Variants in GCN1 observed in about 807,000 individuals in gnomAD.
GCN1 encodes stalled ribosome sensor GCN1.
A neutral mutation model predicts 288.4 loss-of-function variants in GCN1; 90 were observed. The observed-to-expected ratio is 0.31, with a 90% CI of 0.26 to 0.37. The LOEUF is 0.37. Ranked by LOEUF, GCN1 falls within the 10% of genes least tolerant of loss-of-function variation. The pLI, the probability that GCN1 is intolerant of heterozygous loss-of-function variation, is 1.00. For missense variants in GCN1, 2,586 were observed against 3,419.9 expected, an observed-to-expected ratio of 0.76 and a Z score of 6.08; for synonymous variants, 1,386 against 1,420.2, an observed-to-expected ratio of 0.98 and a Z score of 0.54.
At chr12:120,187,770 A>G (rs1036461939) in intron 2 of GCN1, among the ~76,000 whole-genome samples, 1 of 152,002 alleles carries the variant, frequency 6.6e-6, no homozygotes, top group Non-Finnish European at 1.5e-5. Context: ...AGTTGCTCCA[A>G]TGGAGCTGAG....
chr12:120,128,923 C>G (rs1200249422), intron 57 of GCN1, among the ~76,000 whole-genome samples: 4 of 143,594 alleles, frequency 2.8e-5, no homozygotes, highest in Admixed American at 1.4e-4. Flanking sequence ...CTCACTGCAA[C>G]CTCCGTCTCC....
intron 2 of GCN1, among the ~76,000 whole-genome samples, chr12:120,185,748 G>A (rs1329251130): frequency 2.0e-5 from 3 of 152,010 alleles, no homozygotes; most frequent in South Asian, 2.1e-4. Flanking sequence ...CTAAAGGTGC[G>A]CACCACCACG....
intron 34 of GCN1, 34 bp downstream of exon 34, chr12:120,151,111 C>A: frequency 6.2e-7 from 1 of 1,601,536 alleles, no homozygotes. Context: ...ACCAACTTCC[C>A]ATGCTGGGCA....
At chr12:120,138,286 TG>T in intron 47 of GCN1, 36 bp downstream of exon 47, 1 of 1,311,522 alleles carries the variant, frequency 7.6e-7, no homozygotes, top group Non-Finnish European at 1.1e-6. Context: ...GTCAATGCCC[TG>T]GAGCCAGAGG....
At position 120,158,409 on chromosome 12, in the gene GCN1, C is replaced by T. The variant is rs755208392; in HGVS notation, c.2905+51G>A. On this transcript the variant is annotated intron_variant, in intron 25 of 57. Transcript: ENST00000300648. This position sits in a 1 kb window ranked among gnomAD's most constrained non-coding sequence, Gnocchi z 4.3. Reference sequence around the variant, plus strand: ...TGACGCTGTGCCTTGAGCAGCATTCCTGGCACCAGCTCACACCGCCTGGTG... The same window carrying T: ...TGACGCTGTGCCTTGAGCAGCATTCTTGGCACCAGCTCACACCGCCTGGTG... The T allele has an allele frequency of 1.4e-6, 2 of 1,458,734 alleles. No homozygotes were observed. The highest frequency in any genetic ancestry group is 1.3e-5 in the South Asian group (1 of 75,042). 90.4% of individuals were successfully genotyped at this position (1,458,734 alleles called of 1,614,324 possible).
In GCN1 at chr12:120,138,779, C is replaced by T. The variant is rs199532966; in HGVS notation, c.6072G>A (p.Ala2024=). ...GCAGCTGCTCGAAAGTCTTGGCTGC[C>T]GCCTCTCTGACCTCCTCCAGTGGGT... is the stretch of plus-strand genomic sequence containing the variant. ...LCDPLEEVRE[A]AAKTFEQLHS... The change falls in exon 46 of 58, where the codon GCG becomes GCA. Residue 2024 remains alanine (A), a synonymous_variant. Coordinates refer to ENST00000300648, the MANE Select transcript of GCN1 (RefSeq NM_006836.2). The T allele has an allele frequency of 1.5e-4, 247 of 1,614,046 alleles. No homozygotes were observed. The highest frequency in any genetic ancestry group is 1.2e-4 in the Non-Finnish European group (145 of 1,179,998).
chr12:120,190,737 T>C (rs1878977993), intron 1 of GCN1, among the ~76,000 whole-genome samples: 1 of 152,172 alleles, frequency 6.6e-6, no homozygotes, highest in Non-Finnish European at 1.5e-5. Context: ...ATTTAAACTT[T>C]GGCAATAAGA....
intron 33 of GCN1, among the ~76,000 whole-genome samples, chr12:120,152,115 G>C (rs1319399280): frequency 6.6e-6 from 1 of 151,988 alleles, no homozygotes; most frequent in African/African-American, 2.4e-5. Flanking sequence ...CTATAACCTT[G>C]AATTCCTGGA....
intron 34 of GCN1, among the ~76,000 whole-genome samples, chr12:120,150,285 T>C (rs1877497503): frequency 6.6e-6 from 1 of 152,118 alleles, no homozygotes; most frequent in Admixed American, 6.5e-5. Context: ...CTTCACTTCT[T>C]GGCACTAACA....
At position 120,184,257 on chromosome 12, in the gene GCN1, C is replaced by T. The variant is rs367880025; in HGVS notation, c.186-14G>A. 1.2e-6 allele frequency: 2 copies of T among 1,608,438 alleles called. No homozygotes were observed. The highest frequency in any genetic ancestry group is 1.3e-5 in the African/African-American group (1 of 74,966). On this transcript the variant is annotated splice_polypyrimidine_tract_variant and intron_variant, in intron 3 of 57. Coordinates refer to ENST00000300648, the MANE Select transcript of GCN1 (RefSeq NM_006836.2). ...GAGGCTGCATCTCTAGGGGGAGAGG[C>T]AAAGGAAAGGGTGAACATGCAGACC...
intron 20 of GCN1, 128 bp from the exon 21 acceptor site, chr12:120,162,186 GC>G: frequency 1.3e-6 from 1 of 741,974 alleles, no homozygotes; most frequent in African/African-American, 1.7e-5. Context: ...CCTGGGCAAT[GC>G]CCATCACAGT....
Position 120,149,973 on chromosome 12 carries a change from C to G in GCN1, c.4380G>C (p.Val1460=). Reference sequence around the variant, plus strand: ...CAAAGCACAGGAGCAGATGGGGCAGCACGTGAACCACATACGGCTCAAAAA... The same window carrying G: ...CAAAGCACAGGAGCAGATGGGGCAGGACGTGAACCACATACGGCTCAAAAA... ...GKLFEPYVVH[V]LPHLLLCFGD... is the part of the protein sequence containing the mutation. The change falls in exon 35 of 58, where the codon GTG becomes GTC. Residue 1460 remains valine (V), a synonymous_variant. Transcript: ENST00000300648. The G allele has an allele frequency of 6.2e-7, 1 of 1,614,082 alleles. No individual in the cohort carries two copies. The highest frequency in any genetic ancestry group is 8.5e-7 in the Non-Finnish European group (1 of 1,179,952).
Position 120,140,835 on chromosome 12 carries a change from GCGGGATCC to G in GCN1, c.5994+16_5994+23del, listed in dbSNP as rs1566300073. 6.2e-7 allele frequency: 1 copy of G among 1,608,520 alleles called. No individual in the cohort carries two copies. On this transcript the variant is annotated intron_variant, in intron 45 of 57. Coordinates refer to ENST00000300648, the MANE Select transcript of GCN1 (RefSeq NM_006836.2). The stretch of plus-strand genomic sequence containing the variant: ...TCAGGTCGTCTGCAGTGCACAGCTG[GCGGGATCC>G]TTGGAAGATACTCACGGCATCCCGG...
rs1339374831 is a variant in GCN1, at chr12:120,170,811, G to A, written c.1367-490C>T. Among the ~76,000 whole-genome samples, 8 of 151,796 alleles carry A rather than the reference G, an allele frequency of 5.3e-5. No individual in the cohort carries two copies. In the South Asian group the frequency reaches 1.5e-3, roughly 28 times the overall value. On this transcript the variant is annotated intron_variant, in intron 14 of 57. Transcript: ENST00000300648. The stretch of plus-strand genomic sequence containing the variant: ...TCTTCCCCCATACAGATGACCTTCG[G>A]ACCCAAATTCTAAATTTGGGTCCAA...
intron 51 of GCN1, among the ~76,000 whole-genome samples, chr12:120,135,591 G>A (rs1342924245): frequency 6.6e-6 from 1 of 151,986 alleles, no homozygotes; most frequent in African/African-American, 2.4e-5. Flanking sequence ...TCGAACTCCC[G>A]ACCTCAGGTA....
Position 120,129,407 on chromosome 12 carries a change from G to A in GCN1, c.7759C>T (p.Pro2587Ser). 1 of 1,613,638 alleles carries A rather than the reference G, an allele frequency of 6.2e-7. No homozygotes were observed. The highest frequency in any genetic ancestry group is 2.2e-5 in the East Asian group (1 of 44,886). Residue 2587 changes from proline (P) to serine (S), a missense_variant, in exon 57 of 58, where the codon CCC (proline) becomes TCC (serine). Physicochemically the swap from Pro to Ser is moderately conservative, Grantham distance 74. Coordinates refer to ENST00000300648, the MANE Select transcript of GCN1 (RefSeq NM_006836.2). The stretch of plus-strand genomic sequence containing the variant: ...TTCAGGATGGGCTTGATGGCCTGGG[G>A]GTCCAGGGGAGGCAGTGGGTCCTTA... ...ANKDPLPPLD[P>S]QAIKPILKAL... is the part of the protein sequence containing the mutation.
chr12:120,178,581 T>C lies in GCN1; in HGVS notation c.660+44A>G, dbSNP rs774309466. Reference sequence around the variant, plus strand: ...CCTTCCCTCCAGCGAGCTCCCAACATCCCCAACATAGCAAACCCACAGTCA... The same window carrying C: ...CCTTCCCTCCAGCGAGCTCCCAACACCCCCAACATAGCAAACCCACAGTCA... On this transcript the variant is annotated intron_variant, in intron 7 of 57. Coordinates refer to ENST00000300648, the MANE Select transcript of GCN1 (RefSeq NM_006836.2). The C allele has an allele frequency of 1.9e-6, 3 of 1,608,466 alleles. No individual in the cohort carries two copies. In the Admixed American group the frequency reaches 5.0e-5, roughly 27 times the overall value.
chr12:120,155,626 C>A lies in GCN1; in HGVS notation c.3406G>T (p.Asp1136Tyr). ...LLRRLWVVKF[D>Y]KEEEIRKLAE... ...AGCTTCCGGATCTCCTCCTCCTTGT[C>A]AAACTTGACCACCCAGAGTCTCCGC... The change falls in exon 29 of 58, where the codon GAC becomes TAC. Residue 1136 changes from aspartate (D) to tyrosine (Y), a missense_variant. Physicochemically the swap from Asp to Tyr is radical, Grantham distance 160 (BLOSUM62 -3). This residue lies in a region of GCN1 where 332 missense variants were observed against 403.0 expected (regional missense o/e 0.82). Transcript: ENST00000300648. The surrounding 1 kb of genome is among the most constrained non-coding windows in gnomAD (Gnocchi z 4.9). 6.2e-7 allele frequency: 1 copy of A among 1,614,136 alleles called. No homozygotes were observed. Among genetic ancestry groups the A allele is most frequent in the Non-Finnish European group, 8.5e-7 (1 of 1,180,020 alleles).
chr12:120,159,988 C>CAGCA lies in GCN1; in HGVS notation c.2582_2585dup (p.Asp863AlafsTer51). ...ACGGGTTCTTGGCCAGGATGATGTC[C>CAGCA]AGCAGTCCAAGCGCCGCCTCCAGCT... On this transcript the variant is annotated frameshift_variant, in exon 24 of 58. Transcript: ENST00000300648. LOFTEE classifies it high-confidence loss of function. The CAGCA allele has an allele frequency of 6.2e-7, 1 of 1,614,146 alleles. No homozygotes were observed. The highest frequency in any genetic ancestry group is 8.5e-7 in the Non-Finnish European group (1 of 1,180,016).
Sources: gnomAD v4.1 joint callset for allele counts (sites outside exome capture counted in the v4.1 genomes callset) on GRCh38, gnomAD v4.1.1 for gene constraint, gnomAD v4.1.1 regional missense constraint, Gnocchi (gnomAD v3.1) non-coding constraint, MANE v1.5 for transcripts, NCBI Gene and HGNC (gene_info 2026-07-23, HGNC 2026-07-21) for gene names.